The following GIT2 variants were observed in gnomAD, a reference collection of about 807,000 sequenced individuals.
GIT2 encodes the protein ARF GTPase-activating protein GIT2.
A neutral mutation model predicts 100.3 loss-of-function variants in GIT2; 32 were observed. That is an observed-to-expected ratio of 0.32 (90% confidence interval 0.24 to 0.43). GIT2 has a LOEUF of 0.43. Among genes scored for constraint, GIT2 ranks in the 20% least tolerant of loss-of-function variants. The pLI is 1.00. For synonymous variants in GIT2, 353 were observed against 364.1 expected, an observed-to-expected ratio of 0.97 and a Z score of 0.35; for missense variants, 737 against 975.1, an observed-to-expected ratio of 0.76 and a Z score of 3.25.
In GIT2 at chr12:109,933,638, G is replaced by C. The variant is rs1337749366; in HGVS notation, c.2067+384C>G. The C allele has an allele frequency of 1.4e-5, 3 of 210,916 alleles. No homozygotes were observed. Among genetic ancestry groups the C allele is most frequent in the Non-Finnish European group, 1.9e-5 (2 of 104,244 alleles). 13.1% of individuals were successfully genotyped at this position (210,916 alleles called of 1,614,324 possible). A position where few individuals can be genotyped will look rare whatever the true frequency, so the allele number is the denominator to read the frequency against. Reference sequence around the variant, plus strand: ...TTTTTGAGACTTGAGTTTCACTCTTGTTGCCCAGGCTGGAGCGCAATGGCA... The same window carrying C: ...TTTTTGAGACTTGAGTTTCACTCTTCTTGCCCAGGCTGGAGCGCAATGGCA... On this transcript the variant is annotated intron_variant, in intron 19 of 19. Coordinates refer to ENST00000355312, the MANE Select transcript of GIT2 (RefSeq NM_057169.5). The surrounding 1 kb of genome is among the most constrained non-coding windows in gnomAD (Gnocchi z 4.5).
At chr12:109,998,616 T>C (rs1174401858), upstream of GIT2, 2 of 152,216 alleles carry the variant, frequency 1.3e-5, no homozygotes, top group African/African-American at 2.4e-5. Context: ...AATATGTATA[T>C]TATTTATCAG....
chr12:109,958,818 G>C (rs533845470), intron 12 of GIT2, among the ~76,000 whole-genome samples: 2 of 152,118 alleles, frequency 1.3e-5, no homozygotes, highest in Non-Finnish European at 2.9e-5. Context: ...AAACCAATAT[G>C]GATACAGTAA....
At chr12:109,996,403 T>G, upstream of GIT2, 1 of 535,440 alleles carries the variant, frequency 1.9e-6, no homozygotes, top group Non-Finnish European at 3.3e-6. Flanking sequence ...CTTCGGCGAG[T>G]GTCAGGTCAT....
rs756947479 is a variant in GIT2 at position 109,965,535 on chromosome 12, T to C, written c.807A>G (p.Lys269=). 3 of 1,590,722 alleles carry C rather than the reference T, an allele frequency of 1.9e-6. No homozygotes were observed. The South Asian group carries it at 3.3e-5, about 18-fold the overall frequency. The part of the protein sequence containing the change: ...LSELAKAAKK[K]LQSLSNHLFE... ...ACAGAGAAATACTCACAGATTGAAG[T>C]TTCTTCTTAGCAGCTTTTGCCAATT... Residue 269 remains lysine, a synonymous_variant, in exon 9 of 20, where the codon AAA becomes AAG. Transcript: ENST00000355312.
intron 4 of GIT2, among the ~76,000 whole-genome samples, chr12:109,984,513 C>A (rs1886964278): frequency 1.3e-5 from 2 of 152,150 alleles, no homozygotes; most frequent in Admixed American, 6.5e-5. Flanking sequence ...GTGGAGTGAT[C>A]ATGGCTCACT....
Position 109,947,265 on chromosome 12 carries a change from G to A in GIT2, c.1632C>T (p.Phe544=), listed in dbSNP as rs1876605213. The A allele has an allele frequency of 2.5e-6, 4 of 1,613,296 alleles. No homozygotes were observed. The highest frequency in any genetic ancestry group is 3.3e-5 in the Admixed American group (2 of 59,992). ...PEESRMRLQP[F]PAHIGRSALV... is the part of the protein sequence containing the mutation. ...CAGTGGTGTTACTTACGTGCGCGGG[G>A]AAGGGCTGGAGTCTCATCCTGCTCT... The change falls in exon 15 of 20, where the codon TTC becomes TTT. Residue 544 remains phenylalanine, a synonymous_variant. Coordinates refer to ENST00000355312, the MANE Select transcript of GIT2 (RefSeq NM_057169.5). The surrounding 1 kb of genome is among the most constrained non-coding windows in gnomAD (Gnocchi z 4.3).
intron 11 of GIT2, among the ~76,000 whole-genome samples, chr12:109,960,656 TAA>T (rs1200239828): frequency 6.6e-6 from 1 of 152,256 alleles, no homozygotes; most frequent in Non-Finnish European, 1.5e-5. Flanking sequence ...CTGCTAATTA[TAA>T]AGACTAAAAC....
chr12:109,981,084 C>T, intron 6 of GIT2, 38 bp from the exon 7 acceptor site: 8 of 1,314,052 alleles, frequency 6.1e-6, no homozygotes, highest in Non-Finnish European at 7.7e-6. Flanking sequence ...ATATTGCTCA[C>T]TATTCACTGA....
In GIT2 at chr12:109,991,709, C is replaced by A; in HGVS notation, c.104G>T (p.Cys35Phe). ...NRGTFLCDEC[C>F]SVHRSLGRHI... Reference sequence around the variant, plus strand: ...GCGCCCTAGACTCCGATGGACACTGCAGCACTCATCACATAAAAACGTTCC... The same window carrying A: ...GCGCCCTAGACTCCGATGGACACTGAAGCACTCATCACATAAAAACGTTCC... Residue 35 changes from cysteine (C) to phenylalanine (F), a missense_variant, in exon 2 of 20, where the codon TGC becomes TTC. Physicochemically the swap from Cys to Phe is radical, Grantham distance 205 (BLOSUM62 -2). Around this residue, in one of 3 missense-constraint regions of GIT2, gnomAD observed 266 missense variants for 376.2 expected, o/e 0.71. Transcript: ENST00000355312. 1 of 1,612,316 alleles carries A rather than the reference C, an allele frequency of 6.2e-7. No individual in the cohort carries two copies. Among genetic ancestry groups the A allele is most frequent in the Non-Finnish European group, 8.5e-7 (1 of 1,178,360 alleles).
Position 109,930,906 on chromosome 12 carries a change from A to G in GIT2, c.*2072T>C, listed in dbSNP as rs1871531038. 1 of 152,194 alleles carries G rather than the reference A, an allele frequency of 6.6e-6. No homozygotes were observed. The highest frequency in any genetic ancestry group is 2.4e-5 in the African/African-American group (1 of 41,434). 9.4% of individuals were successfully genotyped at this position (152,194 alleles called of 1,614,324 possible). On this transcript the variant is annotated 3_prime_UTR_variant, in exon 20 of 20. Coordinates refer to ENST00000355312, the MANE Select transcript of GIT2 (RefSeq NM_057169.5). The stretch of plus-strand genomic sequence containing the variant: ...GAAAAGGCTATCAGATGGCGCCTGA[A>G]CTTAAGGTGGGAGGCCCCCTTCTAG...
chr12:109,943,758 CT>C (rs1875478881), intron 16 of GIT2, among the ~76,000 whole-genome samples: 1 of 150,954 alleles, frequency 6.6e-6, no homozygotes, highest in African/African-American at 2.4e-5. Flanking sequence ...ACAATCATGG[CT>C]CACTGCAGCC....
intron 12 of GIT2, chr12:109,953,832 A>G (rs1444708176): frequency 6.6e-6 from 1 of 152,272 alleles, no homozygotes; most frequent in Non-Finnish European, 1.5e-5. Flanking sequence ...AACTGCTCAG[A>G]TAAAGAAGGC....
In GIT2 at chr12:109,935,563, G is replaced by A. The variant is rs1290245917; in HGVS notation, c.2004-1478C>T. ...ATTACAGGTTTGCACCACCACACCC[G>A]GCTAATTTTTGTATTTTTAGTAGAG... On this transcript the variant is annotated intron_variant, in intron 18 of 19. Coordinates refer to ENST00000355312, the MANE Select transcript of GIT2 (RefSeq NM_057169.5). Among the ~76,000 whole-genome samples, 10 of 152,118 alleles carry A rather than the reference G, an allele frequency of 6.6e-5. No homozygotes were observed. The South Asian group carries it at 1.9e-3, about 28-fold the overall frequency.
At chr12:109,961,552 T>C (rs1000898351) in intron 10 of GIT2, 61 bp downstream of exon 10, 5 of 1,116,454 alleles carry the variant, frequency 4.5e-6, no homozygotes, top group Non-Finnish European at 6.9e-6. Flanking sequence ...ACACTGAGCC[T>C]GGCAGCTTTT....
In GIT2 at chr12:109,976,331, T is replaced by A. The variant is rs868757651; in HGVS notation, c.718+4621A>T. Among the ~76,000 whole-genome samples the A allele has an allele frequency of 5.5e-5, 8 of 146,054 alleles. No individual in the cohort carries two copies. In the Middle Eastern group the frequency reaches 0.014, roughly 257 times the overall value. Reference sequence around the variant, plus strand: ...ACGGAGTCTCACTCTGTCGCCCAGGTTGGAGTGCAGTGGTGCAATCTCAGC... The same window carrying A: ...ACGGAGTCTCACTCTGTCGCCCAGGATGGAGTGCAGTGGTGCAATCTCAGC... On this transcript the variant is annotated intron_variant, in intron 7 of 19. Transcript: ENST00000355312.
At chr12:109,952,933 T>C in intron 13 of GIT2, 159 bp downstream of exon 13, 1 of 650,486 alleles carries the variant, frequency 1.5e-6, no homozygotes, top group Non-Finnish European at 2.7e-6. Flanking sequence ...AGGGCTGTGA[T>C]GCAGGGACAA....
At chr12:109,957,545 C>T (rs1156474980) in intron 12 of GIT2, among the ~76,000 whole-genome samples, 3 of 147,784 alleles carry the variant, frequency 2.0e-5, no homozygotes, top group African/African-American at 2.5e-5. Context: ...CTTGCTCTGT[C>T]GCCCAGGCTA....
chr12:109,983,872 A>C (rs1451931646), intron 4 of GIT2, 178 bp from the exon 5 acceptor site: 1 of 557,462 alleles, frequency 1.8e-6, no homozygotes, highest in South Asian at 2.2e-5. Context: ...CTGGGCTGTA[A>C]GGTGGAGTGA....
At chr12:109,983,954 T>C (rs1886843590) in intron 4 of GIT2, 4 of 426,750 alleles carry the variant, frequency 9.4e-6, no homozygotes, top group Middle Eastern at 6.7e-4. Context: ...ATCTAAGAAG[T>C]GGCACAACCA....
Sources: gnomAD v4.1 joint callset for allele counts (sites outside exome capture counted in the v4.1 genomes callset) on GRCh38, gnomAD v4.1.1 for gene constraint, gnomAD v4.1.1 regional missense constraint, Gnocchi (gnomAD v3.1) non-coding constraint, MANE v1.5 for transcripts, NCBI Gene and HGNC (gene_info 2026-07-23, HGNC 2026-07-21) for gene names.